The following LRP8 variants were observed in gnomAD, a reference collection of about 807,000 sequenced individuals.
The protein encoded by LRP8 is LDL receptor related protein 8.
LRP8 carries 46 observed loss-of-function variants against 111.6 expected under a neutral mutation model. The observed-to-expected ratio is 0.41, with a 90% CI of 0.33 to 0.53. The LOEUF (loss-of-function observed/expected upper bound fraction) is 0.53, where lower values mean the gene tolerates loss of function less well. Among genes scored for constraint, LRP8 ranks in the 20% least tolerant of loss-of-function variants. LRP8 has a pLI of 0.20. For missense variants in LRP8, 959 were observed against 1,297.4 expected (o/e 0.74, Z 4.01); for synonymous variants, 464 against 511.2 (o/e 0.91, Z 1.24).
chr1:53,292,859 C>A (rs1245066587), intron 2 of LRP8, among the ~76,000 whole-genome samples: 1 of 152,208 alleles, frequency 6.6e-6, no homozygotes, highest in Admixed American at 6.5e-5. Context: ...TCCACCACGG[C>A]TCCCCAGTCA....
rs1416475609 is a variant in LRP8 at position 53,246,803 on chromosome 1, A to G, written c.*215T>C. The G allele has an allele frequency of 1.4e-5, 8 of 553,682 alleles. No homozygotes were observed. Among genetic ancestry groups the G allele is most frequent in the African/African-American group, 9.9e-5 (5 of 50,556 alleles). 34.3% of individuals were successfully genotyped at this position (553,682 alleles called of 1,614,324 possible). ...CAACCAGTTAAAAAGTGTATAAAAC[A>G]TTATACATAGAAAAACTCTCACATC... On this transcript the variant is annotated 3_prime_UTR_variant, in exon 19 of 19. Transcript: ENST00000306052.
At position 53,298,945 on chromosome 1, in the gene LRP8, C is replaced by T. The variant is rs1011524086; in HGVS notation, c.245-9256G>A. Among the ~76,000 whole-genome samples the T allele has an allele frequency of 4.6e-5, 7 of 152,250 alleles. No homozygotes were observed. The East Asian group carries it at 1.3e-3, about 29-fold the overall frequency. On this transcript the variant is annotated intron_variant, in intron 2 of 18. Coordinates refer to ENST00000306052, the MANE Select transcript of LRP8 (RefSeq NM_004631.5). ...CATTCCAGCCCTGCTCTGCCACCAA[C>T]ACGCTGTGTGACAAGGGGCAGGCCT...
intron 2 of LRP8, among the ~76,000 whole-genome samples, chr1:53,302,146 T>C (rs954178213): frequency 1.3e-5 from 2 of 152,124 alleles, no homozygotes; most frequent in African/African-American, 4.8e-5. Flanking sequence ...GGGGGTGATT[T>C]TGGCTGGCAG....
chr1:53,325,884 C>G (rs1171439370), intron 2 of LRP8, among the ~76,000 whole-genome samples: 1 of 152,250 alleles, frequency 6.6e-6, no homozygotes, highest in Non-Finnish European at 1.5e-5. Context: ...GGGTCTATGT[C>G]TCTAGGAGAG....
chr1:53,326,799 G>A (rs1211479761), intron 2 of LRP8, 74 bp downstream of exon 2: 6 of 1,533,856 alleles, frequency 3.9e-6, no homozygotes, highest in Admixed American at 3.8e-5. Flanking sequence ...CTGCAGCCAC[G>A]TGCGCGCCAA....
chr1:53,258,630 A>G (rs1475888809), intron 13 of LRP8, among the ~76,000 whole-genome samples, 159 bp from the exon 14 acceptor site: 1 of 151,670 alleles, frequency 6.6e-6, no homozygotes, highest in Non-Finnish European at 1.5e-5. Context: ...TTATCCCCCA[A>G]AGCTTTTGGG....
At chr1:53,295,102 AC>A (rs1235819686) in intron 2 of LRP8, among the ~76,000 whole-genome samples, 1 of 152,084 alleles carries the variant, frequency 6.6e-6, no homozygotes, top group African/African-American at 2.4e-5. Context: ...CTGCACTTGA[AC>A]CCAGGTAATG....
intron 2 of LRP8, among the ~76,000 whole-genome samples, chr1:53,300,523 C>T (rs1480070029): frequency 6.6e-6 from 1 of 152,240 alleles, no homozygotes; most frequent in East Asian, 1.9e-4. Context: ...CTACGGGAAG[C>T]CCCTTCCAGG....
In LRP8 at chr1:53,249,262, C is replaced by A; in HGVS notation, c.2853+118G>T. The A allele has an allele frequency of 9.0e-7, 1 of 1,111,760 alleles. No homozygotes were observed. The highest frequency in any genetic ancestry group is 2.5e-5 in the East Asian group (1 of 40,236). 68.9% of individuals were successfully genotyped at this position (1,111,760 alleles called of 1,614,324 possible). ...AACCCATTTTTCTTCTTTGCCCCAA[C>A]ACCCAGCTTACAATTTGCAGCCTTC... is the stretch of plus-strand genomic sequence containing the variant. On this transcript the variant is annotated intron_variant, in intron 18 of 18. Coordinates refer to ENST00000306052, the MANE Select transcript of LRP8 (RefSeq NM_004631.5). The surrounding 1 kb of genome is among the most constrained non-coding windows in gnomAD (Gnocchi z 4.1).
At chr1:53,306,455 AAGG>A (rs140364219) in intron 2 of LRP8, among the ~76,000 whole-genome samples, 1,935 of 152,228 alleles carry the variant, frequency 0.013, 41 homozygotes, top group African/African-American at 0.044. Flanking sequence ...GTATGGTACC[AAGG>A]AGAACAGAGC....
intron 2 of LRP8, among the ~76,000 whole-genome samples, chr1:53,296,926 T>A (rs890121276): frequency 6.6e-6 from 1 of 152,050 alleles, no homozygotes; most frequent in Non-Finnish European, 1.5e-5. Flanking sequence ...CCCCAACATA[T>A]AAGACAGATT....
At chr1:53,270,976 T>A (rs1303975136) in intron 8 of LRP8, 52 bp downstream of exon 8, 2 of 1,613,188 alleles carry the variant, frequency 1.2e-6, no homozygotes, top group East Asian at 4.5e-5. Flanking sequence ...GGAAGCACGC[T>A]GCTTCCTGTA....
chr1:53,251,792 C>T (rs1395010558), intron 16 of LRP8, among the ~76,000 whole-genome samples: 1 of 151,688 alleles, frequency 6.6e-6, no homozygotes, highest in Non-Finnish European at 1.5e-5. Flanking sequence ...GCCTGTAATC[C>T]CAACACTGTG....
intron 2 of LRP8, among the ~76,000 whole-genome samples, chr1:53,300,172 G>A (rs534427974): frequency 8.0e-4 from 122 of 152,342 alleles, no homozygotes; most frequent in African/African-American, 2.7e-3. Flanking sequence ...CCCATCCCTG[G>A]CCATCACCTG....
Position 53,249,332 on chromosome 1 carries a change from C to T in LRP8, c.2853+48G>A. ...AGGATTGGCTGCGCCTGCCTTGGTT[C>T]ATGCCCTCACTCACCAGCCCCTCAG... is the stretch of plus-strand genomic sequence containing the variant. On this transcript the variant is annotated intron_variant, in intron 18 of 18. Transcript: ENST00000306052. The surrounding 1 kb of genome is among the most constrained non-coding windows in gnomAD (Gnocchi z 4.1). The T allele has an allele frequency of 6.3e-7, 1 of 1,590,932 alleles. No homozygotes were observed. Among genetic ancestry groups the T allele is most frequent in the Non-Finnish European group, 8.6e-7 (1 of 1,166,944 alleles).
chr1:53,243,687 T>C lies in LRP8; in HGVS notation c.*3331A>G, dbSNP rs1308306490. ...TGCAATTCCTAAAGTCCCTGTGCTCTTTCATACCTCTGTGTTTTAGCTCGA... is the reference window on the plus strand; with the variant it reads ...TGCAATTCCTAAAGTCCCTGTGCTCCTTCATACCTCTGTGTTTTAGCTCGA... On this transcript the variant is annotated 3_prime_UTR_variant, in exon 19 of 19. Coordinates refer to ENST00000306052, the MANE Select transcript of LRP8 (RefSeq NM_004631.5). 1 of 152,254 alleles carries C rather than the reference T, an allele frequency of 6.6e-6. No homozygotes were observed. Among genetic ancestry groups the C allele is most frequent in the African/African-American group, 2.4e-5 (1 of 41,470 alleles). 9.4% of individuals were successfully genotyped at this position (152,254 alleles called of 1,614,324 possible). A position where few individuals can be genotyped will look rare whatever the true frequency, so the allele number is the denominator to read the frequency against.
chr1:53,255,618 ACTGT>A (rs1448847238), intron 15 of LRP8, among the ~76,000 whole-genome samples: 1 of 152,108 alleles, frequency 6.6e-6, no homozygotes, highest in Admixed American at 6.5e-5. Flanking sequence ...TTTTTTGTGA[ACTGT>A]CTGTCCATCT....
chr1:53,291,033 G>C (rs557525482), intron 2 of LRP8, among the ~76,000 whole-genome samples: 2 of 152,180 alleles, frequency 1.3e-5, no homozygotes, highest in Non-Finnish European at 2.9e-5. Flanking sequence ...GTGAGGAAGA[G>C]AGCACTGGGC....
chr1:53,264,877 G>A (rs142309987), intron 9 of LRP8, among the ~76,000 whole-genome samples: 164 of 152,278 alleles, frequency 1.1e-3, no homozygotes, highest in African/African-American at 3.6e-3. Context: ...GCTTATGTGG[G>A]TGTCAGACTG....
Sources: allele counts gnomAD v4.1 joint callset (sites outside exome capture counted in the v4.1 genomes callset), GRCh38; gene constraint gnomAD v4.1.1; non-coding constraint Gnocchi (gnomAD v3.1); transcripts MANE v1.5; gene names NCBI Gene and HGNC (gene_info 2026-07-23, HGNC 2026-07-21).